Variants in FAM20C observed in about 807,000 individuals in gnomAD.
FAM20C encodes the protein FAM20C golgi associated secretory pathway kinase.
Under a neutral mutation model 51.5 loss-of-function variants are expected in FAM20C, and 40 were observed. The ratio of observed to expected loss-of-function variants is 0.78; its 90% CI spans 0.60 to 1.01. The LOEUF (loss-of-function observed/expected upper bound fraction) is 1.01. Ranked by LOEUF, FAM20C falls within the 50% of genes least tolerant of loss-of-function variation. FAM20C has a pLI of 0.00. For missense variants in FAM20C, 861 were observed against 844.7 expected (o/e 1.02, Z -0.24); for synonymous variants, 406 against 380.6 (o/e 1.07, Z -0.78).
At chr7:242,180 C>G (rs1347769910) in intron 3 of FAM20C, among the ~76,000 whole-genome samples, 1 of 152,082 alleles carries the variant, frequency 6.6e-6, no homozygotes, top group Non-Finnish European at 1.5e-5. Flanking sequence ...GTACCAGGCC[C>G]TGTGTGTGCC....
chr7:258,786 A>T (rs925150337), intron 9 of FAM20C, 81 bp downstream of exon 9: 2 of 1,320,660 alleles, frequency 1.5e-6, no homozygotes, highest in Admixed American at 4.8e-5. Context: ...AGCCTTCCCC[A>T]CCCCACCCCG....
At chr7:220,662 A>G (rs1225594709) in intron 3 of FAM20C, among the ~76,000 whole-genome samples, 1 of 151,950 alleles carries the variant, frequency 6.6e-6, no homozygotes, top group Non-Finnish European at 1.5e-5. Context: ...GGCGGTCTGG[A>G]GAGGAACATT....
rs564713110 is a variant in FAM20C at position 259,022 on chromosome 7, G to A, written c.1505+317G>A. Among the ~76,000 whole-genome samples, 32 of 152,348 alleles carry A rather than the reference G, an allele frequency of 2.1e-4. No individual in the cohort carries two copies. The East Asian group carries it at 4.1e-3, about 19-fold the overall frequency. On this transcript the variant is annotated intron_variant, in intron 9 of 9. Coordinates refer to ENST00000313766, the MANE Select transcript of FAM20C (RefSeq NM_020223.4). ...GCTGAGACACAGGGACCCTGCTCCC[G>A]CACGCAGCTGCCGGTCTCTGCCACT... is the stretch of plus-strand genomic sequence containing the variant.
chr7:212,020 G>A (rs1786743486), intron 3 of FAM20C, among the ~76,000 whole-genome samples: 1 of 152,246 alleles, frequency 6.6e-6, no homozygotes, highest in Admixed American at 6.5e-5. Context: ...TGGAGGTCCT[G>A]CAGCCAGTGG....
At chr7:256,241 G>T in intron 6 of FAM20C, 1 of 677,038 alleles carries the variant, frequency 1.5e-6, no homozygotes, top group Non-Finnish European at 2.4e-6. Context: ...TCCCTGACCC[G>T]GGCCGGCCTG....
In FAM20C at chr7:259,936, G is replaced by C. The variant is rs1173664360; in HGVS notation, c.1711G>C (p.Asp571His). 6.5e-7 allele frequency: 1 copy of C among 1,531,514 alleles called. No individual in the cohort carries two copies. Among genetic ancestry groups the C allele is most frequent in the Non-Finnish European group, 8.7e-7 (1 of 1,143,086 alleles). 94.9% of individuals were successfully genotyped at this position (1,531,514 alleles called of 1,614,324 possible). ...GAGGAACGGGCTCCACAGCGTGGTG[G>C]ATGACGACCTGGACACTGAGCACAG... is the stretch of plus-strand genomic sequence containing the variant. ...VERNGLHSVV[D>H]DDLDTEHRAA... is the part of the protein sequence containing the mutation. Residue 571 changes from aspartate to histidine, a missense_variant, in exon 10 of 10, where the codon GAT becomes CAT. Coordinates refer to ENST00000313766, the MANE Select transcript of FAM20C (RefSeq NM_020223.4).
At chr7:233,571 T>G (rs1386496917) in intron 3 of FAM20C, among the ~76,000 whole-genome samples, 2 of 152,152 alleles carry the variant, frequency 1.3e-5, no homozygotes, top group Non-Finnish European at 2.9e-5. Context: ...GTCCTGGCCC[T>G]TCCGGCTCCT....
rs939585467 is a variant in FAM20C at position 204,872 on chromosome 7, G to A, written c.785-4026G>A. 2.0e-5 allele frequency among the ~76,000 whole-genome samples: 3 copies of A among 152,200 alleles called. No homozygotes were observed. In the East Asian group the frequency reaches 5.8e-4, roughly 29 times the overall value. On this transcript the variant is annotated intron_variant, in intron 2 of 9. Coordinates refer to ENST00000313766, the MANE Select transcript of FAM20C (RefSeq NM_020223.4). ...AGGGAGGGGAAGTGGCACCTGTGTG[G>A]CTCTGGCCATGGTGAGTCCCCACAC...
chr7:220,735 G>C (rs193071984), intron 3 of FAM20C, among the ~76,000 whole-genome samples: 11 of 152,330 alleles, frequency 7.2e-5, no homozygotes, highest in South Asian at 2.1e-4. Flanking sequence ...GGCGGGACCC[G>C]TGCACACAGG....
At chr7:214,663 C>T (rs999248643) in intron 3 of FAM20C, among the ~76,000 whole-genome samples, 10 of 152,128 alleles carry the variant, frequency 6.6e-5, no homozygotes, top group Non-Finnish European at 8.8e-5. Flanking sequence ...TCAACAAGGG[C>T]GTTGGAAGAA....
rs879811715 is a variant in FAM20C at position 256,484 on chromosome 7, C to T, written c.1254-170C>T. 54 of 630,484 alleles carry T rather than the reference C, an allele frequency of 8.6e-5. No individual in the cohort carries two copies. In the Admixed American group the frequency reaches 1.4e-3, roughly 16 times the overall value. The allele number at this position is 630,484 out of a possible 1,614,324, so 39.1% of individuals were successfully genotyped here. ...CGAGGCAGGGCAGAGCGGCTCCGTC[C>T]CCTCCCACACCCGTGCTCCCGCTAA... On this transcript the variant is annotated intron_variant, in intron 6 of 9. Transcript: ENST00000313766.
At chr7:233,842 A>G (rs1252670438) in intron 3 of FAM20C, among the ~76,000 whole-genome samples, 1 of 152,232 alleles carries the variant, frequency 6.6e-6, no homozygotes, top group African/African-American at 2.4e-5. Flanking sequence ...CTCAGTCGTC[A>G]TTCCTACTTT....
At chr7:212,938 C>T (rs946651912) in intron 3 of FAM20C, among the ~76,000 whole-genome samples, 7 of 151,566 alleles carry the variant, frequency 4.6e-5, no homozygotes, top group Non-Finnish European at 7.4e-5. Flanking sequence ...AGAAATCCTT[C>T]GCCATTCTGT....
chr7:222,104 C>T (rs28661772), intron 3 of FAM20C, among the ~76,000 whole-genome samples: 103,348 of 130,452 alleles, frequency 0.79, 41,008 homozygotes, highest in East Asian at 0.9. Context: ...ATCTGGGCAC[C>T]CGGGAGGGAG....
At chr7:209,231 G>A (rs1306238275) in intron 3 of FAM20C, among the ~76,000 whole-genome samples, 1 of 152,166 alleles carries the variant, frequency 6.6e-6, no homozygotes, top group African/African-American at 2.4e-5. Flanking sequence ...TACCCTGTGA[G>A]AATAAGCATT....
In FAM20C at chr7:247,547, G is replaced by A. The variant is rs145689954; in HGVS notation, c.957-768G>A. The stretch of plus-strand genomic sequence containing the variant: ...TAACAAGATCCCTAGTGACGCGGGC[G>A]TACATTGGAGTTTAAAGGGCTTTTT... On this transcript the variant is annotated intron_variant, in intron 4 of 9. Coordinates refer to ENST00000313766, the MANE Select transcript of FAM20C (RefSeq NM_020223.4). Among the ~76,000 whole-genome samples, 501 of 152,310 alleles carry A rather than the reference G, an allele frequency of 3.3e-3. 5 individuals carry two copies. Among genetic ancestry groups the A allele is most frequent in the African/African-American group, 0.011 (476 of 41,552 alleles).
intron 3 of FAM20C, among the ~76,000 whole-genome samples, chr7:220,260 G>A (rs1787194672): frequency 1.3e-5 from 2 of 152,126 alleles, no homozygotes. Flanking sequence ...ATAAACTCAG[G>A]AAATTAGGCC....
intron 3 of FAM20C, among the ~76,000 whole-genome samples, chr7:237,445 GGTGATGACGGTGCTGATGGTGATT>G (rs1419837585): frequency 6.6e-6 from 1 of 152,098 alleles, no homozygotes; most frequent in Non-Finnish European, 1.5e-5. Context: ...TGGTGATGAC[GGTGATGACGGTGCTGATGGTGATT>G]GTGATGATAG....
At chr7:246,567 G>C (rs985459385) in intron 4 of FAM20C, 60 bp downstream of exon 4, 3 of 1,117,548 alleles carry the variant, frequency 2.7e-6, no homozygotes, top group Non-Finnish European at 2.4e-6. Flanking sequence ...ACCGGTGAGT[G>C]AGGCCGTCCT....
Sources: gnomAD v4.1 joint callset for allele counts (sites outside exome capture counted in the v4.1 genomes callset) on GRCh38, gnomAD v4.1.1 for gene constraint, MANE v1.5 for transcripts, NCBI Gene and HGNC (gene_info 2026-07-23, HGNC 2026-07-21) for gene names.